EPHA3: variants seen among roughly 807,000 people sequenced by gnomAD.
EPHA3 encodes the protein EPH receptor A3.
In EPHA3, 42 loss-of-function variants were observed where a neutral mutation model predicts 107.1. That is an observed-to-expected ratio of 0.39 (90% CI 0.31 to 0.51). The LOEUF (loss-of-function observed/expected upper bound fraction) is 0.51, where lower values mean the gene tolerates loss of function less well. EPHA3 is among the 20% of genes least tolerant of loss of function. EPHA3 has a pLI of 0.78. For missense variants in EPHA3, 1,183 were observed against 1,211.2 expected (o/e 0.98, Z 0.35); for synonymous variants, 461 against 424.8 (o/e 1.09, Z -1.05).
At chr3:89,155,792 T>A (rs549546393) in intron 2 of EPHA3, among the ~76,000 whole-genome samples, 1 of 152,186 alleles carries the variant, frequency 6.6e-6, no homozygotes, top group South Asian at 2.1e-4. Flanking sequence ...TCTTAGTGAT[T>A]TCTTTTATGA....
At chr3:89,298,635 T>A (rs1706416905) in intron 3 of EPHA3, among the ~76,000 whole-genome samples, 1 of 152,136 alleles carries the variant, frequency 6.6e-6, no homozygotes, top group African/African-American at 2.4e-5. Context: ...AAGGATTAAG[T>A]TTTGTTATGT....
intron 5 of EPHA3, among the ~76,000 whole-genome samples, chr3:89,368,039 G>A (rs1305730742): frequency 6.7e-6 from 1 of 150,362 alleles, no homozygotes; most frequent in Non-Finnish European, 1.5e-5. Flanking sequence ...TGGCTAACTT[G>A]GGCCTTATCC....
In EPHA3 at chr3:89,480,704, T is replaced by A. The variant is rs545326446; in HGVS notation, c.*1202T>A. ...AACTTGCTGAGCTGTTTATAGAGAA[T>A]GATGATAACAGAACTTTTCCTCTGT... On this transcript the variant is annotated 3_prime_UTR_variant, in exon 17 of 17. Transcript: ENST00000336596. The A allele has an allele frequency of 4.3e-6, 1 of 232,554 alleles. No individual in the cohort carries two copies. Among genetic ancestry groups the A allele is most frequent in the African/African-American group, 2.2e-5 (1 of 45,308 alleles). 14.4% of individuals were successfully genotyped at this position (232,554 alleles called of 1,614,324 possible).
In EPHA3 at chr3:89,192,268, G is replaced by T. The variant is rs1185301472; in HGVS notation, c.154-17592G>T. Reference sequence around the variant, plus strand: ...GTTCTAGAAACCACACTACATTATGGAGTGTTCATTAACTTACATTCAACA... The same window carrying T: ...GTTCTAGAAACCACACTACATTATGTAGTGTTCATTAACTTACATTCAACA... On this transcript the variant is annotated intron_variant, in intron 2 of 16. Transcript: ENST00000336596. Among the ~76,000 whole-genome samples the T allele has an allele frequency of 3.3e-5, 5 of 152,094 alleles. No individual in the cohort carries two copies. The South Asian group carries it at 1.0e-3, about 32-fold the overall frequency.
intron 3 of EPHA3, among the ~76,000 whole-genome samples, chr3:89,220,575 A>G (rs893132452): frequency 2.4e-4 from 37 of 152,304 alleles, no homozygotes; most frequent in African/African-American, 8.7e-4. Flanking sequence ...GTAATAAAAG[A>G]GATATCAAAT....
rs551381277 is a variant in EPHA3 at position 89,219,241 on chromosome 3, G to A, written c.814+8721G>A. ...TGCAGTGGCAGGATCTCGGCTCACC[G>A]CAACCTCCACCTCCCAGGTTCAAGT... is the stretch of plus-strand genomic sequence containing the variant. On this transcript the variant is annotated intron_variant, in intron 3 of 16. Coordinates refer to ENST00000336596, the MANE Select transcript of EPHA3 (RefSeq NM_005233.6). Among the ~76,000 whole-genome samples, 68 of 151,572 alleles carry A rather than the reference G, an allele frequency of 4.5e-4. No homozygotes were observed. In the South Asian group the frequency reaches 0.01, roughly 23 times the overall value.
At chr3:89,402,482 T>C (rs1351582275) in intron 7 of EPHA3, among the ~76,000 whole-genome samples, 2 of 152,144 alleles carry the variant, frequency 1.3e-5, no homozygotes, top group African/African-American at 4.8e-5. Context: ...AAAAAATGCC[T>C]TTTGTCTTAG....
intron 7 of EPHA3, among the ~76,000 whole-genome samples, chr3:89,403,782 G>A (rs368634222): frequency 3.9e-5 from 6 of 152,244 alleles, no homozygotes; most frequent in East Asian, 3.9e-4. Flanking sequence ...TCAAGTCTCC[G>A]TGTCTCAGTT....
chr3:89,174,649 A>G (rs1705280733), intron 2 of EPHA3, among the ~76,000 whole-genome samples: 1 of 151,986 alleles, frequency 6.6e-6, no homozygotes, highest in African/African-American at 2.4e-5. Flanking sequence ...TTAATAATAT[A>G]GTTATAAATC....
intron 15 of EPHA3, among the ~76,000 whole-genome samples, chr3:89,459,854 T>C (rs1453825525): frequency 6.6e-6 from 1 of 152,204 alleles, no homozygotes; most frequent in African/African-American, 2.4e-5. Context: ...TTGTTCTTGA[T>C]AGAAAATGCC....
intron 3 of EPHA3, among the ~76,000 whole-genome samples, chr3:89,328,095 C>T (rs1197420380): frequency 1.3e-5 from 2 of 151,642 alleles, no homozygotes; most frequent in African/African-American, 4.8e-5. Flanking sequence ...GGGACTCCAT[C>T]TCAAAAAAAG....
At chr3:89,222,676 G>T (rs922851392) in intron 3 of EPHA3, among the ~76,000 whole-genome samples, 5 of 151,868 alleles carry the variant, frequency 3.3e-5, no homozygotes, top group Admixed American at 6.6e-5. Flanking sequence ...AAGGGTGAAG[G>T]CTGTAATAAA....
chr3:89,254,613 G>A (rs150714069), intron 3 of EPHA3, among the ~76,000 whole-genome samples: 50 of 152,220 alleles, frequency 3.3e-4, no homozygotes, highest in African/African-American at 1.1e-3. Flanking sequence ...AGATTGCAAT[G>A]GCTTCCTAAC....
intron 3 of EPHA3, among the ~76,000 whole-genome samples, chr3:89,297,447 C>T (rs1407006752): frequency 2.0e-5 from 3 of 152,106 alleles, no homozygotes; most frequent in Non-Finnish European, 4.4e-5. Flanking sequence ...GTGAATGGAG[C>T]AGACAATATT....
At chr3:89,440,670 A>G (rs1367108487) in intron 13 of EPHA3, among the ~76,000 whole-genome samples, 1 of 152,344 alleles carries the variant, frequency 6.6e-6, no homozygotes, top group East Asian at 1.9e-4. Flanking sequence ...TTACCGTGTG[A>G]TTCCTCATCT....
At position 89,219,335 on chromosome 3, in the gene EPHA3, G is replaced by T. The variant is rs1239361366; in HGVS notation, c.814+8815G>T. Among the ~76,000 whole-genome samples the T allele has an allele frequency of 2.0e-5, 3 of 151,790 alleles. No individual in the cohort carries two copies. In the South Asian group the frequency reaches 6.2e-4, roughly 32 times the overall value. ...TGTGCCACCCTGCTCAGATAATTTTGTGTTTTTAGTAGAGATGGGGTTTCT... is the reference window on the plus strand; with the variant it reads ...TGTGCCACCCTGCTCAGATAATTTTTTGTTTTTAGTAGAGATGGGGTTTCT... On this transcript the variant is annotated intron_variant, in intron 3 of 16. Coordinates refer to ENST00000336596, the MANE Select transcript of EPHA3 (RefSeq NM_005233.6).
At chr3:89,447,947 C>T (rs1445291519) in intron 13 of EPHA3, among the ~76,000 whole-genome samples, 8 of 152,176 alleles carry the variant, frequency 5.3e-5, no homozygotes, top group Admixed American at 5.2e-4. Flanking sequence ...AAATCGGTCA[C>T]ATTTTGACGA....
rs1705999983 is a variant in EPHA3, at chr3:89,202,565, A to G, written c.154-7295A>G. Among the ~76,000 whole-genome samples the G allele has an allele frequency of 4.1e-5, 6 of 147,134 alleles. No individual in the cohort carries two copies. In the South Asian group the frequency reaches 1.3e-3, roughly 31 times the overall value. On this transcript the variant is annotated intron_variant, in intron 2 of 16. Transcript: ENST00000336596. ...TATATATATATATATATATATGAAA[A>G]ATTACATTTTACTTATCTTTTTACT... is the stretch of plus-strand genomic sequence containing the variant.
chr3:89,127,495 A>G (rs9835094), intron 2 of EPHA3, among the ~76,000 whole-genome samples: 85,878 of 151,686 alleles, frequency 0.57, 24,652 homozygotes, highest in Admixed American at 0.65. Context: ...CAATTGCTTG[A>G]ATGGACTGAT....
Sources: allele counts gnomAD v4.1 joint callset (sites outside exome capture counted in the v4.1 genomes callset), GRCh38; gene constraint gnomAD v4.1.1; transcripts MANE v1.5; gene names NCBI Gene and HGNC (gene_info 2026-07-23, HGNC 2026-07-21).